MAP2: variants seen among roughly 807,000 people sequenced by gnomAD.
MAP2 encodes the protein microtubule-associated protein 2.
A neutral mutation model predicts 137.6 loss-of-function variants in MAP2; 14 were observed. The observed-to-expected ratio is 0.10, with a 90% CI of 0.07 to 0.16. The LOEUF is 0.16. Ranked by LOEUF, MAP2 falls within the 10% of genes least tolerant of loss-of-function variation. The pLI is 1.00. For synonymous variants in MAP2, 786 were observed against 782.3 expected, an observed-to-expected ratio of 1.00 and a Z score of -0.08; for missense variants, 2,088 against 2,191.5, an observed-to-expected ratio of 0.95 and a Z score of 0.94.
At chr2:209,512,554 T>TAC (rs1491385837) in intron 2 of MAP2, among the ~76,000 whole-genome samples, 4 of 113,458 alleles carry the variant, frequency 3.5e-5, no homozygotes, top group African/African-American at 7.3e-5. Context: ...AGCCAGAAGT[T>TAC]ATACACACAC....
intron 2 of MAP2, among the ~76,000 whole-genome samples, chr2:209,526,594 A>G (rs987422673): frequency 7.1e-5 from 8 of 113,170 alleles, no homozygotes; most frequent in Non-Finnish European, 1.4e-4. Context: ...AATTTAAAAG[A>G]GCAAGGATTC....
chr2:209,630,069 T>G (rs919668147), intron 4 of MAP2, among the ~76,000 whole-genome samples: 1 of 152,184 alleles, frequency 6.6e-6, no homozygotes, highest in Admixed American at 6.5e-5. Context: ...CTTTTTCTAA[T>G]GCTTAGAATT....
At chr2:209,440,623 A>C (rs1039618363) in intron 1 of MAP2, among the ~76,000 whole-genome samples, 2 of 151,548 alleles carry the variant, frequency 1.3e-5, no homozygotes, top group Non-Finnish European at 3.0e-5. Flanking sequence ...TTGCTCAAAA[A>C]AGACTGCAAT....
At chr2:209,428,851 G>T (rs894782892) in intron 1 of MAP2, among the ~76,000 whole-genome samples, 7 of 151,974 alleles carry the variant, frequency 4.6e-5, no homozygotes, top group Non-Finnish European at 1.0e-4. Flanking sequence ...GTTTATTCAG[G>T]TTCCCTTAGG....
chr2:209,587,732 A>G (rs1268557620), intron 3 of MAP2, among the ~76,000 whole-genome samples: 3 of 152,202 alleles, frequency 2.0e-5, no homozygotes, highest in Admixed American at 2.0e-4. Context: ...GCTCAAGTGC[A>G]TGTTAAATAT....
At chr2:209,513,475 A>G (rs1269294879) in intron 2 of MAP2, among the ~76,000 whole-genome samples, 1 of 152,322 alleles carries the variant, frequency 6.6e-6, no homozygotes, top group East Asian at 1.9e-4. Flanking sequence ...GACATTCATT[A>G]TATAACAAAC....
At chr2:209,430,405 A>G (rs181039230) in intron 1 of MAP2, among the ~76,000 whole-genome samples, 98 of 152,030 alleles carry the variant, frequency 6.4e-4, no homozygotes, top group African/African-American at 2.2e-3. Flanking sequence ...ACTTTCTAAG[A>G]TAGAGTTAGA....
intron 5 of MAP2, among the ~76,000 whole-genome samples, chr2:209,654,289 A>C (rs1042185438): frequency 2.0e-5 from 3 of 152,214 alleles, no homozygotes; most frequent in Non-Finnish European, 2.9e-5. Context: ...CTTTGCAAAA[A>C]TAGGTTTTCA....
At chr2:209,651,205 T>G (rs1455674254) in intron 4 of MAP2, among the ~76,000 whole-genome samples, 2 of 152,190 alleles carry the variant, frequency 1.3e-5, no homozygotes, top group African/African-American at 2.4e-5. Context: ...ATGGTTTTTA[T>G]AAAAAGATGT....
At chr2:209,601,191 G>A (rs371377711) in intron 3 of MAP2, among the ~76,000 whole-genome samples, 6 of 152,070 alleles carry the variant, frequency 3.9e-5, no homozygotes, top group South Asian at 4.2e-4. Flanking sequence ...AATTATTTAC[G>A]GTTATACTTA....
At chr2:209,533,432 G>A (rs757707610) in intron 2 of MAP2, among the ~76,000 whole-genome samples, 5 of 152,082 alleles carry the variant, frequency 3.3e-5, no homozygotes, top group Non-Finnish European at 7.4e-5. Flanking sequence ...GGCAAGCCAT[G>A]TTTTTAAATA....
At chr2:209,619,171 T>C (rs2090412515) in intron 3 of MAP2, among the ~76,000 whole-genome samples, 1 of 152,082 alleles carries the variant, frequency 6.6e-6, no homozygotes, top group Non-Finnish European at 1.5e-5. Context: ...TAACGAAGTT[T>C]CTGTTTGGTA....
intron 1 of MAP2, among the ~76,000 whole-genome samples, chr2:209,503,190 C>T (rs956426818): frequency 2.6e-5 from 4 of 151,584 alleles, no homozygotes; most frequent in Non-Finnish European, 4.4e-5. Flanking sequence ...TTGTAAAGTT[C>T]GGGTTTCTCC....
intron 12 of MAP2, 66 bp downstream of exon 12, chr2:209,705,793 T>G: frequency 1.6e-6 from 2 of 1,250,766 alleles, no homozygotes; most frequent in Non-Finnish European, 2.2e-6. Flanking sequence ...GAATAGCACT[T>G]ATATTTATAT....
chr2:209,574,957 A>C (rs1342793539), intron 2 of MAP2, among the ~76,000 whole-genome samples: 1 of 152,220 alleles, frequency 6.6e-6, no homozygotes, highest in African/African-American at 2.4e-5. Context: ...AAGTGTAGTC[A>C]TATCTCTACA....
chr2:209,587,410 GT>G (rs2078044147), intron 3 of MAP2, among the ~76,000 whole-genome samples: 1 of 152,130 alleles, frequency 6.6e-6, no homozygotes, highest in South Asian at 2.1e-4. Context: ...GTGGTGGACT[GT>G]TTTGGTTGGT....
chr2:209,623,060 G>A (rs560541985), intron 3 of MAP2, among the ~76,000 whole-genome samples: 22 of 152,164 alleles, frequency 1.4e-4, no homozygotes, highest in Middle Eastern at 3.4e-3. Context: ...TAAAAGACAG[G>A]ATTTTTTTTA....
At chr2:209,698,169 C>T (rs1053509987) in intron 10 of MAP2, among the ~76,000 whole-genome samples, 1 of 152,060 alleles carries the variant, frequency 6.6e-6, no homozygotes, top group Non-Finnish European at 1.5e-5. Context: ...TATTACTCTT[C>T]TTCAAATACA....
intron 1 of MAP2, among the ~76,000 whole-genome samples, chr2:209,446,998 G>C (rs772707980): frequency 1.3e-5 from 2 of 151,900 alleles, no homozygotes; most frequent in Non-Finnish European, 2.9e-5. Context: ...GGACCTCTAA[G>C]GCCAACCTTT....
Sources: allele counts gnomAD v4.1 joint callset (sites outside exome capture counted in the v4.1 genomes callset), GRCh38; gene constraint gnomAD v4.1.1; transcripts MANE v1.5; gene names NCBI Gene and HGNC (gene_info 2026-07-23, HGNC 2026-07-21).